Variants in C4orf50 observed in about 807,000 individuals in gnomAD.
The protein encoded by C4orf50 is chromosome 4 open reading frame 50, also known as uncharacterized protein C4orf50.
A neutral mutation model predicts 77.2 loss-of-function variants in C4orf50; 80 were observed. The ratio of observed to expected loss-of-function variants is 1.04; its 90% CI spans 0.87 to 1.25. C4orf50 has a LOEUF of 1.25. C4orf50 is among the 50% of genes most tolerant of loss of function. The probability of loss-of-function intolerance (pLI) is 0.00; values close to 1 mark genes in which losing one functional copy is unlikely to be tolerated. For synonymous variants in C4orf50, 532 were observed against 465.3 expected, an observed-to-expected ratio of 1.14 and a Z score of -1.84; for missense variants, 1,257 against 1,152.9, an observed-to-expected ratio of 1.09 and a Z score of -1.31.
chr4:6,010,626 T>G (rs1174720521), intron 24 of C4orf50, among the ~76,000 whole-genome samples: 1 of 152,220 alleles, frequency 6.6e-6, no homozygotes. Flanking sequence ...TGAATCGATC[T>G]CACATCCCAC....
chr4:5,968,634 C>T (rs561030699), intron 31 of C4orf50, among the ~76,000 whole-genome samples: 14 of 152,322 alleles, frequency 9.2e-5, no homozygotes, highest in Admixed American at 3.3e-4. Context: ...ATCCTGCTTT[C>T]TGTCCTTCAA....
At chr4:5,986,648 C>G (rs1043558690) in intron 28 of C4orf50, among the ~76,000 whole-genome samples, 1 of 151,670 alleles carries the variant, frequency 6.6e-6, no homozygotes, top group Non-Finnish European at 1.5e-5. Flanking sequence ...AAGCAATTCT[C>G]CTGCCTCAGC....
chr4:6,004,048 G>A (rs62643956), intron 25 of C4orf50, among the ~76,000 whole-genome samples: 5,401 of 40,032 alleles, frequency 0.13, no homozygotes, highest in Non-Finnish European at 0.16. Context: ...GATGGTGATG[G>A]TGATGATGGT....
exon 34 of C4orf50, chr4:5,959,400 T>A: frequency 6.2e-7 from 1 of 1,614,118 alleles, no homozygotes; most frequent in South Asian, 1.1e-5. Flanking sequence ...CAGCGGTGAT[T>A]TATGGACCTG....
Position 6,009,564 on chromosome 4 carries a change from G to C in C4orf50, c.427-1032C>G, listed in dbSNP as rs1722402485. On this transcript the variant is annotated intron_variant, in intron 24 of 33. Coordinates refer to ENST00000531445, the Ensembl canonical transcript of C4orf50. This position sits in a 1 kb window ranked among gnomAD's most constrained non-coding sequence, Gnocchi z 5.6. ...GTGTATTCTGTAATGATCTTTGCATGGTGCCCGGTGGAGGGATTTCAGAGC... is the reference window on the plus strand; with the variant it reads ...GTGTATTCTGTAATGATCTTTGCATCGTGCCCGGTGGAGGGATTTCAGAGC... 3.9e-5 allele frequency among the ~76,000 whole-genome samples: 6 copies of C among 152,170 alleles called. No individual in the cohort carries two copies. Among genetic ancestry groups the C allele is most frequent in the Admixed American group, 2.6e-4 (4 of 15,274 alleles).
intron 31 of C4orf50, among the ~76,000 whole-genome samples, chr4:5,973,154 C>A (rs764608841): frequency 6.6e-6 from 1 of 152,226 alleles, no homozygotes; most frequent in Non-Finnish European, 1.5e-5. Flanking sequence ...GCCAGGAGAG[C>A]TCCCTGCTCA....
At chr4:5,946,138 A>G (rs1024348083) in intron 7 of C4orf50, among the ~76,000 whole-genome samples, 1 of 152,192 alleles carries the variant, frequency 6.6e-6, no homozygotes, top group Non-Finnish European at 1.5e-5. Context: ...TAGGGTGGTC[A>G]CTGCTTCCCA....
chr4:5,990,061 T>G (rs910865705), exon 28 of C4orf50: 6 of 1,347,606 alleles, frequency 4.5e-6, no homozygotes, highest in Non-Finnish European at 3.8e-6. Context: ...TTCCTCATTC[T>G]CTGATGACAG....
chr4:5,972,681 G>T (rs1219854169), intron 31 of C4orf50, among the ~76,000 whole-genome samples: 1 of 152,242 alleles, frequency 6.6e-6, no homozygotes, highest in Non-Finnish European at 1.5e-5. Flanking sequence ...CTGGTGCCAA[G>T]GGGCTGAGAG....
chr4:5,964,951 G>T, intron 33 of C4orf50, 73 bp downstream of exon 11: 147 of 1,362,498 alleles, frequency 1.1e-4, no homozygotes, highest in East Asian at 5.3e-4. Flanking sequence ...TGGATAATTT[G>T]CTAAGCTGTA....
chr4:5,903,053 C>T (rs999883846), intron 7 of C4orf50: 4 of 152,092 alleles, frequency 2.6e-5, no homozygotes, highest in South Asian at 2.1e-4. Flanking sequence ...GCTGAGCAGA[C>T]GAGGTGTCAC....
intron 31 of C4orf50, 111 bp from the exon 10 acceptor site, chr4:5,967,573 C>T (rs376383126): frequency 1.6e-4 from 152 of 954,196 alleles, no homozygotes; most frequent in Admixed American, 1.5e-3. Context: ...CGCAAAAAAC[C>T]GCTTTCTGTG....
At chr4:5,994,287 C>G in intron 26 of C4orf50, 60 bp downstream of exon 4, 1 of 398,968 alleles carries the variant, frequency 2.5e-6, no homozygotes, top group Admixed American at 4.4e-5. Context: ...AGGAAGTGAG[C>G]TAGCCATTCA....
intron 25 of C4orf50, among the ~76,000 whole-genome samples, chr4:6,006,611 G>A (rs917310657): frequency 4.1e-4 from 62 of 152,168 alleles, no homozygotes; most frequent in African/African-American, 1.5e-3. Context: ...GTATGGAGCC[G>A]AGCACACAGT....
intron 33 of C4orf50, 67 bp from the exon 12 acceptor site, chr4:5,959,693 C>T: frequency 6.5e-7 from 1 of 1,530,990 alleles, no homozygotes; most frequent in Non-Finnish European, 8.8e-7. Flanking sequence ...TCCATTCACA[C>T]ATTTAATCAA....
chr4:5,953,963 C>T (rs1048642998), downstream of C4orf50, among the ~76,000 whole-genome samples: 3 of 152,254 alleles, frequency 2.0e-5, no homozygotes, highest in African/African-American at 7.2e-5. Flanking sequence ...TCAGCCCCTT[C>T]TGCCCTTGGA....
intron 32 of C4orf50, among the ~76,000 whole-genome samples, chr4:5,965,477 T>C (rs542059988): frequency 2.0e-5 from 3 of 152,354 alleles, no homozygotes; most frequent in African/African-American, 7.2e-5. Flanking sequence ...GCAACACCTA[T>C]GTGGGATCTG....
At chr4:5,973,796 G>C (rs1484268432) in exon 31 of C4orf50, 20 of 1,613,516 alleles carry the variant, frequency 1.2e-5, no homozygotes, top group Non-Finnish European at 1.7e-5. Flanking sequence ...TGGGTGATCA[G>C]GCGGTTCCTC....
chr4:5,976,818 G>A (rs1309442977), intron 29 of C4orf50, among the ~76,000 whole-genome samples: 1 of 152,250 alleles, frequency 6.6e-6, no homozygotes, highest in Non-Finnish European at 1.5e-5. Flanking sequence ...ATTAGGCGCA[G>A]ATGAAAGCTG....
Sources: allele counts gnomAD v4.1 joint callset (sites outside exome capture counted in the v4.1 genomes callset), GRCh38; gene constraint gnomAD v4.1.1; non-coding constraint Gnocchi (gnomAD v3.1); transcripts MANE v1.5; gene names NCBI Gene and HGNC (gene_info 2026-07-23, HGNC 2026-07-21).